The following TEX15 variants were observed in gnomAD, a reference collection of about 807,000 sequenced individuals.
The protein encoded by TEX15 is testis expressed 15, meiosis and synapsis associated.
In TEX15, 171 loss-of-function variants were observed where a neutral mutation model predicts 237.3. That is an observed-to-expected ratio of 0.72 (90% CI 0.64 to 0.82). The LOEUF (loss-of-function observed/expected upper bound fraction) is 0.82, where lower values mean the gene tolerates loss of function less well. Ranked by LOEUF, TEX15 falls within the 40% of genes least tolerant of loss-of-function variation. The pLI is 0.00. For synonymous variants in TEX15, 1,338 were observed against 1,269.8 expected, an observed-to-expected ratio of 1.05 and a Z score of -1.14; for missense variants, 3,750 against 3,646.5, an observed-to-expected ratio of 1.03 and a Z score of -0.73.
intron 3 of TEX15, among the ~76,000 whole-genome samples, chr8:30,879,290 A>G (rs1808470462): frequency 6.6e-6 from 1 of 152,128 alleles, no homozygotes; most frequent in Admixed American, 6.5e-5. Flanking sequence ...ATTTTCATGA[A>G]AGTGAATTTC....
chr8:30,842,319 C>A lies in TEX15; in HGVS notation c.7848G>T (p.Met2616Ile), dbSNP rs142875385. 6 of 1,613,832 alleles carry A rather than the reference C, an allele frequency of 3.7e-6. No individual in the cohort carries two copies. Among genetic ancestry groups the A allele is most frequent in the Admixed American group, 3.3e-5 (2 of 60,000 alleles). Residue 2616 changes from methionine to isoleucine, a missense_variant, in exon 8 of 11, where the codon ATG becomes ATT. Coordinates refer to ENST00000643185, the MANE Select transcript of TEX15 (RefSeq NM_001350162.2). ...TCATCTTCATATGTTCAATCGTTTTCATGACTTTCCTAATGTGGGCCATTT... is the reference window on the plus strand; with the variant it reads ...TCATCTTCATATGTTCAATCGTTTTAATGACTTTCCTAATGTGGGCCATTT... Reference protein sequence around the residue: ...LGKMAHIRKVMKTIEHMKMIC... With the variant: ...LGKMAHIRKVIKTIEHMKMIC...
intron 4 of TEX15, among the ~76,000 whole-genome samples, chr8:30,874,247 T>C (rs1004261861): frequency 6.6e-6 from 1 of 152,148 alleles, no homozygotes; most frequent in Non-Finnish European, 1.5e-5. Context: ...GAGTTCCACA[T>C]GTGGGTCTAT....
chr8:30,897,836 T>C (rs980166193), intron 2 of TEX15, among the ~76,000 whole-genome samples: 2 of 152,076 alleles, frequency 1.3e-5, no homozygotes, highest in Non-Finnish European at 2.9e-5. Context: ...AATTTTTTAT[T>C]TTATTTTTTG....
chr8:30,840,830 G>A (rs947698369), intron 8 of TEX15, among the ~76,000 whole-genome samples: 2 of 152,032 alleles, frequency 1.3e-5, no homozygotes, highest in Non-Finnish European at 1.5e-5. Flanking sequence ...TCTAATTTAA[G>A]ATATTCCATA....
At chr8:30,881,377 C>T (rs1808516475) in intron 3 of TEX15, among the ~76,000 whole-genome samples, 1 of 152,044 alleles carries the variant, frequency 6.6e-6, no homozygotes. Context: ...CCATGAATTA[C>T]ATTTAATTGT....
intron 1 of TEX15, among the ~76,000 whole-genome samples, chr8:30,902,839 A>T (rs975107111): frequency 1.3e-5 from 2 of 152,196 alleles, no homozygotes; most frequent in Admixed American, 1.3e-4. Flanking sequence ...CAGTTTGAGA[A>T]CCACCAATCT....
chr8:30,875,348 C>T (rs527864426), intron 3 of TEX15, among the ~76,000 whole-genome samples: 1 of 152,284 alleles, frequency 6.6e-6, no homozygotes, highest in South Asian at 2.1e-4. Flanking sequence ...TTGACACATA[C>T]AGATATGACA....
chr8:30,839,817 T>C (rs565391419), intron 9 of TEX15, 89 bp downstream of exon 9: 34 of 765,788 alleles, frequency 4.4e-5, no homozygotes, highest in Middle Eastern at 2.5e-4. Context: ...CCAATGACAT[T>C]ATATAAATAA....
chr8:30,906,126 T>C (rs186858620), intron 1 of TEX15, among the ~76,000 whole-genome samples: 23 of 152,350 alleles, frequency 1.5e-4, no homozygotes, highest in African/African-American at 4.8e-4. Context: ...GGTAAAGCGC[T>C]ATATAAGTAT....
chr8:30,876,299 G>A (rs1020271720), intron 3 of TEX15, among the ~76,000 whole-genome samples: 2 of 152,118 alleles, frequency 1.3e-5, no homozygotes, highest in Non-Finnish European at 2.9e-5. Flanking sequence ...CCATCTGCCT[G>A]CAAGTTCAAT....
Position 30,847,518 on chromosome 8 carries a change from A to T in TEX15, c.2649T>A (p.Tyr883Ter). The change falls in exon 8 of 11, where the codon TAT becomes TAA. Residue 883 changes from tyrosine (Y) to a stop codon, truncating the protein, a stop_gained. Coordinates refer to ENST00000643185, the MANE Select transcript of TEX15 (RefSeq NM_001350162.2). LOFTEE classifies it high-confidence loss of function. ...TATGAGAATCCTGCTTTTTGTCTCC[A>T]TATATGTTCTCTATGTTGTTTTCTA... ...SCVENNIENI[Y>*]GDKKQDSHTN... 6.2e-7 allele frequency: 1 copy of T among 1,613,238 alleles called. No homozygotes were observed. The highest frequency in any genetic ancestry group is 8.5e-7 in the Non-Finnish European group (1 of 1,179,842).
chr8:30,853,050 G>A (rs77316565), intron 7 of TEX15, among the ~76,000 whole-genome samples: 3,181 of 152,290 alleles, frequency 0.021, 58 homozygotes, highest in South Asian at 0.055. Flanking sequence ...AACACATGTG[G>A]CTATGACTGT....
At chr8:30,857,906 T>C (rs1164698088) in intron 7 of TEX15, among the ~76,000 whole-genome samples, 1 of 152,214 alleles carries the variant, frequency 6.6e-6, no homozygotes, top group Non-Finnish European at 1.5e-5. Context: ...TTGACAAGAA[T>C]ATGGAGTGAT....
chr8:30,841,928 AAC>A, intron 8 of TEX15, 74 bp downstream of exon 8: 1 of 1,042,980 alleles, frequency 9.6e-7, no homozygotes, highest in Non-Finnish European at 1.4e-6. Context: ...GAATTCTGCA[AAC>A]TACTTGTTTG....
chr8:30,874,957 T>G lies in TEX15; in HGVS notation c.282A>C (p.Glu94Asp). The G allele has an allele frequency of 7.5e-7, 1 of 1,342,230 alleles. No homozygotes were observed. The highest frequency in any genetic ancestry group is 2.3e-5 in the South Asian group (1 of 44,110). The allele number at this position is 1,342,230 out of a possible 1,614,324, so 83.1% of individuals were successfully genotyped here. A position where few individuals can be genotyped will look rare whatever the true frequency, so the allele number is the denominator to read the frequency against. The change falls in exon 4 of 11, where the codon GAA (glutamate) becomes GAC (aspartate). Residue 94 changes from glutamate (E) to aspartate (D), a missense_variant. Glu to Asp is a conservative substitution (Grantham distance 45). Coordinates refer to ENST00000643185, the MANE Select transcript of TEX15 (RefSeq NM_001350162.2). ...CTTACCTCTTAGCAGTAAAATTTTTTTCCAGTTCCTCATTGTGAACCAGTT... is the reference window on the plus strand; with the variant it reads ...CTTACCTCTTAGCAGTAAAATTTTTGTCCAGTTCCTCATTGTGAACCAGTT... ...DTKLVHNEELEKNFTAKRSEM... is the reference protein window; with the variant it reads ...DTKLVHNEELDKNFTAKRSEM...
chr8:30,912,256 G>A (rs556360937), intron 1 of TEX15, among the ~76,000 whole-genome samples: 115 of 150,944 alleles, frequency 7.6e-4, no homozygotes, highest in African/African-American at 2.2e-3. Context: ...CAGTCACCCG[G>A]GCGGCGTTCC....
Position 30,837,909 on chromosome 8 carries a change from G to A in TEX15, c.8375C>T (p.Ala2792Val), listed in dbSNP as rs1251127252. ...LPLENPKDTC[A>V]SKSESKIDLT... is the part of the protein sequence containing the mutation. ...GTCTATTTTGCTTTCCGACTTTGATGCGCAAGTGTCTTTTGGGTTCTCTAA... is the reference window on the plus strand; with the variant it reads ...GTCTATTTTGCTTTCCGACTTTGATACGCAAGTGTCTTTTGGGTTCTCTAA... The change falls in exon 10 of 11, where the codon GCA (alanine) becomes GTA (valine). Residue 2792 changes from alanine to valine, a missense_variant. Coordinates refer to ENST00000643185, the MANE Select transcript of TEX15 (RefSeq NM_001350162.2). 1 of 1,614,154 alleles carries A rather than the reference G, an allele frequency of 6.2e-7. No homozygotes were observed. Among genetic ancestry groups the A allele is most frequent in the Non-Finnish European group, 8.5e-7 (1 of 1,180,026 alleles).
At chr8:30,899,321 A>T (rs1472023761) in intron 1 of TEX15, among the ~76,000 whole-genome samples, 1 of 152,140 alleles carries the variant, frequency 6.6e-6, no homozygotes, top group Non-Finnish European at 1.5e-5. Flanking sequence ...TTCAGATGAG[A>T]ACAACAGACT....
chr8:30,902,442 C>T (rs964125951), intron 1 of TEX15, among the ~76,000 whole-genome samples: 4 of 152,100 alleles, frequency 2.6e-5, no homozygotes, highest in Admixed American at 1.3e-4. Flanking sequence ...CCAGTGGCTA[C>T]CTTGTTTCAG....
Sources: allele counts gnomAD v4.1 joint callset (sites outside exome capture counted in the v4.1 genomes callset), GRCh38; gene constraint gnomAD v4.1.1; transcripts MANE v1.5; gene names NCBI Gene and HGNC (gene_info 2026-07-23, HGNC 2026-07-21).